The following NOL4 variants were observed in gnomAD, a reference collection of about 807,000 sequenced individuals.
NOL4 encodes nucleolar protein 4.
Under a neutral mutation model 75.9 loss-of-function variants are expected in NOL4, and 17 were observed. The ratio of observed to expected loss-of-function variants is 0.22; its 90% CI spans 0.15 to 0.34. The LOEUF (loss-of-function observed/expected upper bound fraction) is 0.34, where lower values mean the gene tolerates loss of function less well. Among genes scored for constraint, NOL4 ranks in the 10% least tolerant of loss-of-function variants. NOL4 has a pLI of 1.00. For missense variants in NOL4, 614 were observed against 793.5 expected (o/e 0.77, Z 2.72); for synonymous variants, 292 against 289.9 (o/e 1.01, Z -0.07).
chr18:33,975,429 C>T (rs2071414542), intron 6 of NOL4, among the ~76,000 whole-genome samples: 2 of 152,160 alleles, frequency 1.3e-5, no homozygotes, highest in Non-Finnish European at 2.9e-5. Flanking sequence ...CTCTGATCTA[C>T]TCTCATGTAT....
intron 5 of NOL4, among the ~76,000 whole-genome samples, chr18:34,049,514 A>G (rs2076538408): frequency 6.6e-6 from 1 of 152,062 alleles, no homozygotes; most frequent in Non-Finnish European, 1.5e-5. Flanking sequence ...AAATGAGTAC[A>G]TCCTTTTCAA....
At chr18:34,036,503 T>C (rs1600342491) in intron 5 of NOL4, among the ~76,000 whole-genome samples, 1 of 152,136 alleles carries the variant, frequency 6.6e-6, no homozygotes, top group Non-Finnish European at 1.5e-5. Context: ...GTTAACATCA[T>C]ACTGAATGGG....
chr18:34,059,116 GATATACATATATATATATATATAT>G (rs1201520663), intron 5 of NOL4, among the ~76,000 whole-genome samples: 1 of 80,936 alleles, frequency 1.2e-5, no homozygotes, highest in Non-Finnish European at 2.5e-5. Flanking sequence ...GAGATAGATA[GATATACATATATATATATATATAT>G]ATATATATAT....
chr18:33,990,978 A>G (rs907407064), intron 6 of NOL4, among the ~76,000 whole-genome samples: 4 of 151,830 alleles, frequency 2.6e-5, no homozygotes, highest in Non-Finnish European at 4.4e-5. Flanking sequence ...AACTTACTCT[A>G]TTTACAAACT....
chr18:34,066,130 T>C (rs1029708050), intron 5 of NOL4, among the ~76,000 whole-genome samples: 118 of 152,096 alleles, frequency 7.8e-4, no homozygotes, highest in African/African-American at 2.7e-3. Flanking sequence ...TGGGAATTTA[T>C]ATGCAGTGAT....
intron 2 of NOL4, among the ~76,000 whole-genome samples, chr18:34,112,369 C>G (rs1261482121): frequency 1.3e-5 from 2 of 149,308 alleles, no homozygotes; most frequent in South Asian, 4.2e-4. Context: ...ACTGTCCCCC[C>G]CCAAAAAAAA....
intron 1 of NOL4, among the ~76,000 whole-genome samples, chr18:34,137,621 A>T (rs1476777556): frequency 1.3e-5 from 2 of 152,154 alleles, no homozygotes; most frequent in Non-Finnish European, 2.9e-5. Context: ...ATATTAAATA[A>T]CAAGTATTGG....
At chr18:33,967,512 T>G (rs1340185767) in intron 6 of NOL4, among the ~76,000 whole-genome samples, 3 of 152,048 alleles carry the variant, frequency 2.0e-5, no homozygotes, top group Non-Finnish European at 4.4e-5. Context: ...CAAAACAAAT[T>G]AGCAGAGTAA....
chr18:34,138,056 T>C (rs890938488), intron 1 of NOL4, among the ~76,000 whole-genome samples: 5 of 152,058 alleles, frequency 3.3e-5, no homozygotes, highest in Admixed American at 6.6e-5. Context: ...AGGCCAGACA[T>C]AAAAGACCAC....
chr18:34,189,504 G>A (rs1214487728), intron 1 of NOL4, among the ~76,000 whole-genome samples: 1 of 152,070 alleles, frequency 6.6e-6, no homozygotes, highest in African/African-American at 2.4e-5. Context: ...AAAATTCATT[G>A]GGTGTTTACT....
intron 6 of NOL4, among the ~76,000 whole-genome samples, chr18:34,014,308 C>T (rs1280588204): frequency 6.6e-6 from 1 of 151,728 alleles, no homozygotes; most frequent in Non-Finnish European, 1.5e-5. Context: ...GGAACTGAGA[C>T]CCAAATATGC....
intron 1 of NOL4, among the ~76,000 whole-genome samples, chr18:34,162,018 G>A (rs542424917): frequency 1.3e-4 from 20 of 151,956 alleles, no homozygotes; most frequent in South Asian, 4.2e-4. Context: ...TTTCTATGCC[G>A]GCAGAAATCT....
At chr18:34,205,184 A>G (rs2036034313) in intron 1 of NOL4, among the ~76,000 whole-genome samples, 1 of 152,160 alleles carries the variant, frequency 6.6e-6, no homozygotes, top group Non-Finnish European at 1.5e-5. Context: ...AAGTCTGGAA[A>G]ACTCATCATA....
chr18:34,000,113 C>G (rs2073589367), intron 6 of NOL4, among the ~76,000 whole-genome samples: 1 of 152,148 alleles, frequency 6.6e-6, no homozygotes, highest in Admixed American at 6.5e-5. Flanking sequence ...GGGAACATAT[C>G]TCATCCAAGA....
intron 5 of NOL4, among the ~76,000 whole-genome samples, chr18:34,082,146 A>G (rs916352949): frequency 4.6e-5 from 7 of 152,302 alleles, no homozygotes; most frequent in Middle Eastern, 3.4e-3. Context: ...GGAATGGTTG[A>G]GCCTGCAAAG....
chr18:34,011,758 T>C (rs1413767381), intron 6 of NOL4, among the ~76,000 whole-genome samples: 2 of 151,876 alleles, frequency 1.3e-5, no homozygotes, highest in African/African-American at 4.8e-5. Context: ...AAGATAAGGA[T>C]AATGACGGGT....
chr18:33,932,389 A>T (rs554909052), intron 9 of NOL4, among the ~76,000 whole-genome samples: 16 of 152,210 alleles, frequency 1.1e-4, no homozygotes, highest in African/African-American at 3.8e-4. Context: ...AGCTTTTAAT[A>T]GGCATATACC....
At chr18:33,904,029 A>G (rs2065891299) in intron 9 of NOL4, among the ~76,000 whole-genome samples, 1 of 152,136 alleles carries the variant, frequency 6.6e-6, no homozygotes, top group East Asian at 1.9e-4. Flanking sequence ...ATGGTTCAAC[A>G]CATAAAACTT....
chr18:34,076,844 T>C (rs1363363838), intron 5 of NOL4, among the ~76,000 whole-genome samples: 1 of 152,230 alleles, frequency 6.6e-6, no homozygotes, highest in African/African-American at 2.4e-5. Flanking sequence ...GTAACATTTA[T>C]AATAAAGTAG....
Sources: allele counts gnomAD v4.1 joint callset (sites outside exome capture counted in the v4.1 genomes callset), GRCh38; gene constraint gnomAD v4.1.1; transcripts MANE v1.5; gene names NCBI Gene and HGNC (gene_info 2026-07-23, HGNC 2026-07-21).